Variants in AP3D1 observed in about 807,000 individuals in gnomAD.
AP3D1 encodes AP-3 complex subunit delta-1.
A neutral mutation model predicts 147.6 loss-of-function variants in AP3D1; 51 were observed. That is an observed-to-expected ratio of 0.35 (90% CI 0.28 to 0.44). The LOEUF is 0.44. Among genes scored for constraint, AP3D1 ranks in the 20% least tolerant of loss-of-function variants. AP3D1 has a pLI of 1.00. For missense variants in AP3D1, 1,421 were observed against 1,624.2 expected, an observed-to-expected ratio of 0.87 and a Z score of 2.15; for synonymous variants, 760 against 663.0, an observed-to-expected ratio of 1.15 and a Z score of -2.25.
At position 2,121,778 on chromosome 19, in the gene AP3D1, C is replaced by T; in HGVS notation, c.1057G>A (p.Asp353Asn). The T allele has an allele frequency of 6.2e-7, 1 of 1,612,700 alleles. No homozygotes were observed. Among genetic ancestry groups the T allele is most frequent in the Non-Finnish European group, 8.5e-7 (1 of 1,179,488 alleles). The change falls in exon 12 of 32, where the codon GAC becomes AAC. Residue 353 changes from aspartate to asparagine, a missense_variant. This residue lies in a region of AP3D1 where 310 missense variants were observed against 388.1 expected (regional missense o/e 0.80). Transcript: ENST00000643116. ...DLILQCLDDK[D>N]ESIRLRALDL... ...AGGGCCCGCAGCCGGATGGACTCGTCCTTGTCGTCCAGGCACTGCAGGATG... is the reference window on the plus strand; with the variant it reads ...AGGGCCCGCAGCCGGATGGACTCGTTCTTGTCGTCCAGGCACTGCAGGATG...
intron 29 of AP3D1, 168 bp downstream of exon 29, chr19:2,109,705 C>T (rs562628873): frequency 3.1e-6 from 2 of 655,230 alleles, no homozygotes; most frequent in Admixed American, 4.9e-5. Flanking sequence ...ACGGCCCCGG[C>T]TGGCGCAGAC....
intron 1 of AP3D1, among the ~76,000 whole-genome samples, chr19:2,150,296 C>A (rs552617030): frequency 4.6e-5 from 7 of 152,300 alleles, no homozygotes; most frequent in Non-Finnish European, 8.8e-5. Flanking sequence ...CAGGCAGTCG[C>A]TCAAGTAGGA....
intron 29 of AP3D1, 93 bp downstream of exon 29, chr19:2,109,780 C>A: frequency 1.6e-6 from 2 of 1,244,136 alleles, no homozygotes; most frequent in Non-Finnish European, 2.3e-6. Context: ...AAAGTCCTGC[C>A]CAGAAGCCTC....
chr19:2,156,829 CAG>C (rs748404371), intron 1 of AP3D1, among the ~76,000 whole-genome samples: 17 of 152,036 alleles, frequency 1.1e-4, no homozygotes, highest in South Asian at 6.2e-4. Flanking sequence ...AGCCTGATGA[CAG>C]AGCGAGACTC....
chr19:2,105,334 T>C (rs902813109), intron 31 of AP3D1, among the ~76,000 whole-genome samples: 6 of 152,314 alleles, frequency 3.9e-5, no homozygotes, highest in Non-Finnish European at 4.4e-5. Flanking sequence ...ACGCCCACGC[T>C]GGAAGGTTGT....
intron 1 of AP3D1, among the ~76,000 whole-genome samples, chr19:2,147,345 CAAA>C (rs71176517): frequency 6.2e-5 from 5 of 80,270 alleles, no homozygotes; most frequent in Admixed American, 1.6e-4. Flanking sequence ...AACTCTGTCT[CAAA>C]AAAAAAAAAA....
intron 24 of AP3D1, 61 bp from the exon 25 acceptor site, chr19:2,111,889 T>C (rs2018292882): frequency 3.1e-6 from 5 of 1,606,392 alleles, no homozygotes; most frequent in South Asian, 1.1e-5. Context: ...CCCATCACAG[T>C]GTGAGGTCAG....
chr19:2,103,556 G>A (rs55979201), intron 31 of AP3D1, among the ~76,000 whole-genome samples: 13,362 of 152,200 alleles, frequency 0.088, 1,187 homozygotes, highest in African/African-American at 0.22. Context: ...TCCATGCTGC[G>A]GATCCCGTTC....
chr19:2,112,647 A>G (rs2018316531), intron 24 of AP3D1: 2 of 514,762 alleles, frequency 3.9e-6, no homozygotes, highest in African/African-American at 2.0e-5. Context: ...TCAAATGAAT[A>G]AACTCTATGA....
chr19:2,103,129 A>C (rs1230060416), intron 31 of AP3D1, among the ~76,000 whole-genome samples: 1 of 152,186 alleles, frequency 6.6e-6, no homozygotes, highest in African/African-American at 2.4e-5. Flanking sequence ...TACCTCAAAA[A>C]AATTAAAAAA....
intron 31 of AP3D1, among the ~76,000 whole-genome samples, chr19:2,102,588 C>A (rs2017985387): frequency 6.6e-6 from 1 of 151,952 alleles, no homozygotes; most frequent in Non-Finnish European, 1.5e-5. Context: ...ATTAGCCAGG[C>A]AGGGTGGCGG....
intron 10 of AP3D1, 102 bp from the exon 11 acceptor site, chr19:2,123,508 G>C (rs114230112): frequency 8.2e-7 from 1 of 1,212,574 alleles, no homozygotes; most frequent in Non-Finnish European, 1.2e-6. Context: ...AAGGCCCGGC[G>C]TCAGCCCCAC....
At chr19:2,146,424 T>C (rs900922859) in intron 1 of AP3D1, among the ~76,000 whole-genome samples, 2 of 151,702 alleles carry the variant, frequency 1.3e-5, no homozygotes, top group Admixed American at 1.3e-4. Context: ...GCCGATACAG[T>C]GAAACCCCGT....
intron 9 of AP3D1, among the ~76,000 whole-genome samples, chr19:2,124,360 C>T (rs940819326): frequency 6.6e-6 from 1 of 152,246 alleles, no homozygotes; most frequent in African/African-American, 2.4e-5. Flanking sequence ...CCTGGCCTCC[C>T]CAACATCCCC....
At chr19:2,112,370 G>A in intron 24 of AP3D1, 1 of 179,474 alleles carries the variant, frequency 5.6e-6, no homozygotes, top group Non-Finnish European at 1.2e-5. Context: ...CCATAGTGTG[G>A]ATGCACCTTG....
chr19:2,162,451 A>T (rs1051686302), intron 1 of AP3D1, among the ~76,000 whole-genome samples: 1 of 150,730 alleles, frequency 6.6e-6, no homozygotes, highest in Non-Finnish European at 1.5e-5. Flanking sequence ...GTTTGAGATT[A>T]GGAGTTAGAG....
At chr19:2,131,512 G>GTGCTTCCCAGGGAGGAAAGCAT (rs1568297596) in intron 5 of AP3D1, among the ~76,000 whole-genome samples, 59 of 122,542 alleles carry the variant, frequency 4.8e-4, no homozygotes, top group African/African-American at 1.7e-3. Flanking sequence ...CGAGGGGACA[G>GTGCTTCCCAGGGAGGAAAGCAT]GGCCCATCGG....
At chr19:2,117,888 G>A (rs1052024807) in intron 15 of AP3D1, among the ~76,000 whole-genome samples, 12 of 152,230 alleles carry the variant, frequency 7.9e-5, no homozygotes, top group South Asian at 2.1e-4. Context: ...GGCCAGGTGC[G>A]ATGGTTCACA....
At position 2,130,593 on chromosome 19, in the gene AP3D1, C is replaced by T. The variant is rs1215538517; in HGVS notation, c.463-56G>A. ...GCTTTCTGCGCCTCATCCCTGCTCT[C>T]GCCCCTCCCAGCCGCCTCCTCCACA... On this transcript the variant is annotated intron_variant, in intron 5 of 31. Transcript: ENST00000643116. 8 of 1,602,388 alleles carry T rather than the reference C, an allele frequency of 5.0e-6. No homozygotes were observed. The African/African-American group carries it at 5.4e-5, about 11-fold the overall frequency.
Sources: gnomAD v4.1 joint callset for allele counts (sites outside exome capture counted in the v4.1 genomes callset) on GRCh38, gnomAD v4.1.1 for gene constraint, gnomAD v4.1.1 regional missense constraint, MANE v1.5 for transcripts, NCBI Gene and HGNC (gene_info 2026-07-23, HGNC 2026-07-21) for gene names.